The following VWA3B variants were observed in gnomAD, a reference collection of about 807,000 sequenced individuals.
VWA3B encodes von Willebrand factor A domain-containing protein 3B.
A neutral mutation model predicts 158.3 loss-of-function variants in VWA3B; 138 were observed. The ratio of observed to expected loss-of-function variants is 0.87; its 90% CI spans 0.76 to 1.00. The LOEUF is 1.00. VWA3B is among the 50% of genes least tolerant of loss of function. The probability of loss-of-function intolerance (pLI) is 0.00; values close to 1 mark genes in which losing one functional copy is unlikely to be tolerated. For missense variants in VWA3B, 1,555 were observed against 1,565.1 expected (o/e 0.99, Z 0.11); for synonymous variants, 596 against 587.3 (o/e 1.01, Z -0.21).
Position 98,236,707 on chromosome 2 carries a change from G to A in VWA3B, c.2650G>A (p.Val884Ile). ...STYVPVLDKH[V>I]VSKVFDEVFP... is the part of the protein sequence containing the mutation. ...CTATGTTCCCGTCCTGGACAAGCAT[G>A]TCGTGTCTAAGGTCTTTGATGAGGT... is the stretch of plus-strand genomic sequence containing the variant. The change falls in exon 19 of 28, where the codon GTC becomes ATC. Residue 884 changes from valine (V) to isoleucine (I), a missense_variant. Coordinates refer to ENST00000477737, the MANE Select transcript of VWA3B (RefSeq NM_144992.5). The A allele has an allele frequency of 6.2e-7, 1 of 1,614,130 alleles. No homozygotes were observed. The highest frequency in any genetic ancestry group is 8.5e-7 in the Non-Finnish European group (1 of 1,180,018).
intron 21 of VWA3B, among the ~76,000 whole-genome samples, chr2:98,262,681 TA>T (rs1390518151): frequency 6.6e-6 from 1 of 151,858 alleles, no homozygotes; most frequent in Admixed American, 6.6e-5. Context: ...GTGTTTTGAT[TA>T]TTGTAGCTTT....
chr2:98,209,044 T>C (rs1199826183), intron 12 of VWA3B, among the ~76,000 whole-genome samples: 1 of 152,234 alleles, frequency 6.6e-6, no homozygotes, highest in African/African-American at 2.4e-5. Flanking sequence ...ATGTGGCGCC[T>C]CTTCCTCTGG....
intron 8 of VWA3B, among the ~76,000 whole-genome samples, chr2:98,173,839 G>A (rs1306601665): frequency 1.3e-5 from 2 of 151,906 alleles, no homozygotes; most frequent in African/African-American, 2.4e-5. Flanking sequence ...AGTGGCGGGC[G>A]CCTGTAGTCC....
chr2:98,124,022 T>A (rs1675171409), intron 5 of VWA3B, among the ~76,000 whole-genome samples: 1 of 152,222 alleles, frequency 6.6e-6, no homozygotes, highest in African/African-American at 2.4e-5. Context: ...TCATATTTCC[T>A]GGGAGACCAA....
At chr2:98,093,861 T>C (rs1682529993) in intron 2 of VWA3B, among the ~76,000 whole-genome samples, 1 of 152,176 alleles carries the variant, frequency 6.6e-6, no homozygotes, top group African/African-American at 2.4e-5. Flanking sequence ...AGATAAACTT[T>C]TTAAAATTCC....
chr2:98,136,191 G>T (rs1489531652), intron 7 of VWA3B, among the ~76,000 whole-genome samples: 1 of 152,092 alleles, frequency 6.6e-6, no homozygotes, highest in East Asian at 1.9e-4. Flanking sequence ...AAAAAACTCT[G>T]CAGTTAAGAT....
chr2:98,169,445 AT>A (rs1265366278), intron 8 of VWA3B, among the ~76,000 whole-genome samples: 2 of 151,966 alleles, frequency 1.3e-5, no homozygotes, highest in Non-Finnish European at 2.9e-5. Context: ...AAAATACCCA[AT>A]CCAAAACCTG....
intron 12 of VWA3B, among the ~76,000 whole-genome samples, chr2:98,198,781 T>A (rs1682276026): frequency 6.6e-6 from 1 of 152,178 alleles, no homozygotes; most frequent in African/African-American, 2.4e-5. Flanking sequence ...ATAGAACTTT[T>A]GGGTTCTAGC....
chr2:98,125,689 G>A lies in VWA3B; in HGVS notation c.703-2550G>A, dbSNP rs1369671090. Among the ~76,000 whole-genome samples, 1 of 151,498 alleles carries A rather than the reference G, an allele frequency of 6.6e-6. No homozygotes were observed. Among genetic ancestry groups the A allele is most frequent in the East Asian group, 1.9e-4 (1 of 5,176 alleles). The stretch of plus-strand genomic sequence containing the variant: ...CTTTTCTTTCTTTTTTTTTGAAACC[G>A]AGTCTCGCTCTGTCGCCCAGGCTGG... On this transcript the variant is annotated intron_variant, in intron 5 of 27. Coordinates refer to ENST00000477737, the MANE Select transcript of VWA3B (RefSeq NM_144992.5). This position sits in a 1 kb window ranked among gnomAD's most constrained non-coding sequence, Gnocchi z 4.1.
chr2:98,232,977 G>A (rs1410957423), intron 16 of VWA3B, among the ~76,000 whole-genome samples: 3 of 152,256 alleles, frequency 2.0e-5, no homozygotes, highest in East Asian at 1.9e-4. Flanking sequence ...GAGGCGTCCC[G>A]GAAAGGGCCG....
chr2:98,250,251 T>A, intron 19 of VWA3B, 67 bp from the exon 20 acceptor site: 1 of 1,112,474 alleles, frequency 9.0e-7, no homozygotes. Flanking sequence ...ACTATGTAGA[T>A]GTATTTTCGA....
rs1679395516 is a variant in VWA3B at position 98,169,524 on chromosome 2, A to G, written c.1114+6548A>G. 4.6e-5 allele frequency among the ~76,000 whole-genome samples: 7 copies of G among 152,374 alleles called. No homozygotes were observed. The South Asian group carries it at 1.4e-3, about 32-fold the overall frequency. On this transcript the variant is annotated intron_variant, in intron 8 of 27. Transcript: ENST00000477737. ...GAAAACAAATAGCAAGATGATAAAC[A>G]TAAATCTAACCATACGTATGTCAAA...
intron 9 of VWA3B, among the ~76,000 whole-genome samples, chr2:98,181,769 A>G (rs1204394285): frequency 2.6e-5 from 4 of 152,192 alleles, no homozygotes; most frequent in East Asian, 1.9e-4. Context: ...CTGGCTCCCA[A>G]TGAAGGACAG....
rs1030790034 is a variant in VWA3B, at chr2:98,217,869, G to A, written c.1860G>A (p.Gln620=). The change falls in exon 14 of 28, where the codon CAG becomes CAA. Residue 620 remains glutamine, a synonymous_variant. Coordinates refer to ENST00000477737, the MANE Select transcript of VWA3B (RefSeq NM_144992.5). ...AGCCACCTGAAACAGTTATAGACCA[G>A]GTCAAACGTTTTCAGGAAATTCCTA... ...PDQPPETVID[Q]VKRFQEIPIY... The A allele has an allele frequency of 6.2e-7, 1 of 1,608,560 alleles. No homozygotes were observed. Among genetic ancestry groups the A allele is most frequent in the Non-Finnish European group, 8.5e-7 (1 of 1,178,148 alleles).
intron 7 of VWA3B, among the ~76,000 whole-genome samples, chr2:98,160,926 G>A (rs999306854): frequency 2.0e-5 from 3 of 152,200 alleles, no homozygotes; most frequent in South Asian, 2.1e-4. Context: ...CACTTCAAGA[G>A]GCTAGAACTT....
chr2:98,273,655 C>A (rs1688345763), intron 22 of VWA3B, among the ~76,000 whole-genome samples: 1 of 152,122 alleles, frequency 6.6e-6, no homozygotes, highest in African/African-American at 2.4e-5. Context: ...TTATGAGTGC[C>A]CATGAGATGC....
chr2:98,188,566 T>C lies in VWA3B; in HGVS notation c.1466+437T>C, dbSNP rs1681321107. Among the ~76,000 whole-genome samples the C allele has an allele frequency of 2.0e-5, 3 of 152,194 alleles. No homozygotes were observed. In the South Asian group the frequency reaches 6.2e-4, roughly 32 times the overall value. ...CTCTATCTGCTCAGATATTTTTAGC[T>C]CCCACATATGAATGAGAACATGTGG... On this transcript the variant is annotated intron_variant, in intron 10 of 27. Coordinates refer to ENST00000477737, the MANE Select transcript of VWA3B (RefSeq NM_144992.5).
chr2:98,248,058 A>AT (rs1401649019), intron 19 of VWA3B, among the ~76,000 whole-genome samples: 1 of 151,730 alleles, frequency 6.6e-6, no homozygotes, highest in African/African-American at 2.4e-5. Context: ...TATTAAGATT[A>AT]TTTTTTGTTT....
At chr2:98,171,914 A>T (rs1679618777) in intron 8 of VWA3B, among the ~76,000 whole-genome samples, 1 of 152,050 alleles carries the variant, frequency 6.6e-6, no homozygotes, top group African/African-American at 2.4e-5. Context: ...GTGATGGGGG[A>T]GTGGCTCGCT....
Sources: gnomAD v4.1 joint callset for allele counts (sites outside exome capture counted in the v4.1 genomes callset) on GRCh38, gnomAD v4.1.1 for gene constraint, Gnocchi (gnomAD v3.1) non-coding constraint, MANE v1.5 for transcripts, NCBI Gene and HGNC (gene_info 2026-07-23, HGNC 2026-07-21) for gene names.